The following PLD1 variants were observed in gnomAD, a reference collection of about 807,000 sequenced individuals.
The protein encoded by PLD1 is choline phosphatase 1.
In PLD1, 112 loss-of-function variants were observed where a neutral mutation model predicts 137.1. The ratio of observed to expected loss-of-function variants is 0.82; its 90% confidence interval spans 0.70 to 0.96. The LOEUF is 0.96. Ranked by LOEUF, PLD1 falls within the 40% of genes least tolerant of loss-of-function variation. The probability of loss-of-function intolerance (pLI) is 0.00; values close to 1 mark genes in which losing one functional copy is unlikely to be tolerated. For synonymous variants in PLD1, 431 were observed against 454.7 expected (o/e 0.95, Z 0.66); for missense variants, 1,321 against 1,342.0 (o/e 0.98, Z 0.24).
intron 9 of PLD1, among the ~76,000 whole-genome samples, chr3:171,711,167 CTTTTTTTTT>C (rs562934959): frequency 2.1e-5 from 2 of 94,808 alleles, no homozygotes; most frequent in Admixed American, 2.7e-4. Context: ...CTGTGCCAGC[CTTTTTTTTT>C]TTTTTTTTTT....
intron 1 of PLD1, among the ~76,000 whole-genome samples, chr3:171,790,335 C>A (rs767373934): frequency 5.8e-4 from 89 of 152,172 alleles, no homozygotes; most frequent in Non-Finnish European, 1.1e-3. Context: ...TCCCTTAATG[C>A]ATGTAACCTA....
chr3:171,611,776 C>T (rs1732677439), intron 25 of PLD1: 1 of 389,018 alleles, frequency 2.6e-6, no homozygotes, highest in East Asian at 7.1e-5. Context: ...TTGACCTGGT[C>T]TAGTCCTAAT....
Position 171,733,506 on chromosome 3 carries a change from G to T in PLD1, c.544C>A (p.Gln182Lys). ...REEQFLGRRKQLEDYLTKILK... is the reference protein window; with the variant it reads ...REEQFLGRRKKLEDYLTKILK... Reference sequence around the variant, plus strand: ...ATCTTTGTCAAGTAATCTTCCAGTTGTTTCTGTAATGCAAATATTTTAGAT... The same window carrying T: ...ATCTTTGTCAAGTAATCTTCCAGTTTTTTCTGTAATGCAAATATTTTAGAT... The change falls in exon 6 of 27, where the codon CAA becomes AAA. Residue 182 changes from glutamine to lysine, a missense_variant. Gln to Lys is a moderately conservative substitution (Grantham distance 53). Coordinates refer to ENST00000351298, the MANE Select transcript of PLD1 (RefSeq NM_002662.5). 2 of 1,235,302 alleles carry T rather than the reference G, an allele frequency of 1.6e-6. No homozygotes were observed. Among genetic ancestry groups the T allele is most frequent in the Non-Finnish European group, 2.4e-6 (2 of 842,006 alleles). The allele number at this position is 1,235,302 out of a possible 1,614,324, so 76.5% of individuals were successfully genotyped here. A position where few individuals can be genotyped will look rare whatever the true frequency, so the allele number is the denominator to read the frequency against.
At chr3:171,686,055 C>T (rs1008768686) in intron 16 of PLD1, among the ~76,000 whole-genome samples, 4 of 143,448 alleles carry the variant, frequency 2.8e-5, no homozygotes, top group African/African-American at 5.2e-5. Flanking sequence ...ACCTGGGAGG[C>T]GGAGGGTGCA....
chr3:171,804,926 C>T (rs1366328408), intron 1 of PLD1, among the ~76,000 whole-genome samples: 3 of 152,236 alleles, frequency 2.0e-5, no homozygotes, highest in Non-Finnish European at 4.4e-5. Context: ...TGCCTCGTCT[C>T]TGCATTTGTT....
At chr3:171,673,101 C>T (rs1225660354) in intron 19 of PLD1, among the ~76,000 whole-genome samples, 1 of 152,156 alleles carries the variant, frequency 6.6e-6, no homozygotes, top group Admixed American at 6.5e-5. Context: ...TAACAAGTTT[C>T]TTATTTTATA....
At chr3:171,683,966 C>A (rs972965445) in intron 16 of PLD1, among the ~76,000 whole-genome samples, 5 of 152,142 alleles carry the variant, frequency 3.3e-5, no homozygotes, top group African/African-American at 1.2e-4. Context: ...TCACCATTTC[C>A]CTACTCTTTG....
intron 12 of PLD1, among the ~76,000 whole-genome samples, chr3:171,692,965 G>A (rs1715340948): frequency 6.6e-6 from 1 of 152,060 alleles, no homozygotes; most frequent in East Asian, 1.9e-4. Flanking sequence ...TCTTACAACT[G>A]GTCATATCAA....
chr3:171,654,138 CA>C, intron 21 of PLD1: 4 of 356,150 alleles, frequency 1.1e-5, no homozygotes, highest in Non-Finnish European at 2.3e-5. Context: ...CCGTCTCCAC[CA>C]AAAATACAAA....
intron 20 of PLD1, among the ~76,000 whole-genome samples, chr3:171,659,630 A>T (rs1350332614): frequency 6.6e-6 from 1 of 152,230 alleles, no homozygotes; most frequent in Non-Finnish European, 1.5e-5. Context: ...TGGGGAAACT[A>T]GTTTTTTTCA....
chr3:171,709,027 G>A (rs1235296733), intron 10 of PLD1, among the ~76,000 whole-genome samples, 189 bp from the exon 11 acceptor site: 1 of 152,210 alleles, frequency 6.6e-6, no homozygotes, highest in Non-Finnish European at 1.5e-5. Flanking sequence ...AGGAAGGGCA[G>A]TAAGTGTAAG....
At chr3:171,774,135 G>A (rs1005198095) in intron 1 of PLD1, among the ~76,000 whole-genome samples, 1 of 152,154 alleles carries the variant, frequency 6.6e-6, no homozygotes, top group African/African-American at 2.4e-5. Context: ...GACAGAGCTG[G>A]GATTAGAACC....
chr3:171,721,394 A>C (rs1456691111), intron 8 of PLD1: 1 of 152,272 alleles, frequency 6.6e-6, no homozygotes, highest in Non-Finnish European at 1.5e-5. Context: ...CCAGCTAAGG[A>C]GTTCTGGGAG....
intron 23 of PLD1, among the ~76,000 whole-genome samples, chr3:171,624,362 G>A (rs955700781): frequency 2.6e-5 from 4 of 152,136 alleles, no homozygotes; most frequent in African/African-American, 4.8e-5. Flanking sequence ...TAAAAAGTAC[G>A]ACAACATATT....
chr3:171,677,417 A>T, intron 17 of PLD1, 149 bp downstream of exon 17: 1 of 682,064 alleles, frequency 1.5e-6, no homozygotes, highest in Non-Finnish European at 2.4e-6. Flanking sequence ...CATGCTAATG[A>T]CTAAATCTAG....
chr3:171,666,486 T>C (rs189014553), intron 19 of PLD1, among the ~76,000 whole-genome samples: 1 of 152,246 alleles, frequency 6.6e-6, no homozygotes, highest in Non-Finnish European at 1.5e-5. Context: ...TGGGGGATTA[T>C]TACAACTCAA....
intron 1 of PLD1, among the ~76,000 whole-genome samples, chr3:171,740,676 T>C (rs940251195): frequency 6.6e-6 from 1 of 152,176 alleles, no homozygotes; most frequent in African/African-American, 2.4e-5. Context: ...CTGAAATAAA[T>C]ATCTGACTTC....
chr3:171,675,907 C>A (rs950390508), intron 18 of PLD1, among the ~76,000 whole-genome samples: 3 of 150,876 alleles, frequency 2.0e-5, no homozygotes, highest in Non-Finnish European at 2.9e-5. Context: ...CAATGGAGTC[C>A]TCTCAGCTCA....
At chr3:171,634,246 C>T (rs971269620) in intron 23 of PLD1, among the ~76,000 whole-genome samples, 2 of 151,970 alleles carry the variant, frequency 1.3e-5, no homozygotes, top group Non-Finnish European at 2.9e-5. Flanking sequence ...CAATTTGCAC[C>T]CTTGAATAGG....
Sources: allele counts gnomAD v4.1 joint callset (sites outside exome capture counted in the v4.1 genomes callset), GRCh38; gene constraint gnomAD v4.1.1; transcripts MANE v1.5; gene names NCBI Gene and HGNC (gene_info 2026-07-23, HGNC 2026-07-21).